The following LUZP4 variants were observed in gnomAD, a reference collection of about 807,000 sequenced individuals.
LUZP4 encodes the protein leucine zipper protein 4.
Under a neutral mutation model 8.5 loss-of-function variants are expected in LUZP4, and 11 were observed. The observed-to-expected ratio is 1.30, with a 90% confidence interval of 0.82 to 2.14. The LOEUF is 2.14. Ranked by LOEUF, LUZP4 falls within the 30% of genes most tolerant of loss-of-function variation. The pLI is 0.00. For synonymous variants in LUZP4, 104 were observed against 79.4 expected (o/e 1.31, Z -1.65); for missense variants, 276 against 229.7 (o/e 1.20, Z -1.30).
At chrX:115,303,246 A>C (rs2073405657) in intron 2 of LUZP4, 54 bp from the exon 3 acceptor site, 2 of 711,829 alleles carry the variant, frequency 2.8e-6, no homozygotes, top group African/African-American at 4.4e-5. Flanking sequence ...AATACTTCTG[A>C]AAGATACATT....
At chrX:115,296,696 C>T (rs1276890404) in intron 1 of LUZP4, among the ~76,000 whole-genome samples, 2 of 107,421 alleles carry the variant, frequency 1.9e-5, no homozygotes, top group Non-Finnish European at 3.9e-5. Flanking sequence ...TGAGATCTAC[C>T]CAATTCCATT....
At chrX:115,303,265 T>A (rs782522621) in intron 2 of LUZP4, 35 bp from the exon 3 acceptor site, 1 of 782,192 alleles carries the variant, frequency 1.3e-6, no homozygotes, top group Non-Finnish European at 1.9e-6. Context: ...TTGAATTTAC[T>A]ACTTGAAAAT....
rs782383993 is a variant in LUZP4 at position 115,306,744 on chromosome X, T to C, written c.882T>C (p.Ser294=). The stretch of plus-strand genomic sequence containing the variant: ...ATCTCATAAATCAGTCAGGGAGATC[T>C]CATGGCCAATCAGAAAGACATCAGA... ...ERDLINQSGR[S]HGQSERHQRY... is the part of the protein sequence containing the mutation. Residue 294 remains serine, a synonymous_variant, in exon 4 of 4, where the codon TCT becomes TCC. Transcript: ENST00000371920. 2 of 1,208,874 alleles carry C rather than the reference T, an allele frequency of 1.7e-6. No homozygotes were observed. The highest frequency in any genetic ancestry group is 2.2e-5 in the Admixed American group (1 of 45,950).
intron 1 of LUZP4, among the ~76,000 whole-genome samples, chrX:115,297,417 C>G (rs183078286): frequency 9.9e-4 from 111 of 112,098 alleles, no homozygotes; most frequent in African/African-American, 3.5e-3. Flanking sequence ...GGTTGAAGCA[C>G]TCCCTTTAGC....
rs782257878 is a variant in LUZP4, at chrX:115,303,399, G to A, written c.323G>A (p.Gly108Glu). The change falls in exon 3 of 4, where the codon GGG becomes GAG. Residue 108 changes from glycine to glutamate, a missense_variant. By Grantham distance (98) the Gly-to-Glu change is moderately conservative. Coordinates refer to ENST00000371920, the MANE Select transcript of LUZP4 (RefSeq NM_016383.5). ...AAGTCTGGACAACACCCTTTAAATG[G>A]GCAGCCTTTAATTGAGCAGGTAGAT... is the stretch of plus-strand genomic sequence containing the variant. ...GFKSGQHPLN[G>E]QPLIEQEKCS... The A allele has an allele frequency of 9.5e-6, 11 of 1,161,286 alleles. No homozygotes were observed. The highest frequency in any genetic ancestry group is 1.2e-5 in the Non-Finnish European group (10 of 864,206).
intron 3 of LUZP4, 109 bp from the exon 4 acceptor site, chrX:115,306,096 A>G: frequency 1.2e-6 from 1 of 815,032 alleles, no homozygotes; most frequent in Non-Finnish European, 1.7e-6. Context: ...GCACAGTGGA[A>G]TTCTAAAAGA....
At chrX:115,293,544 C>G (rs1405448016) in intron 1 of LUZP4, among the ~76,000 whole-genome samples, 1 of 111,274 alleles carries the variant, frequency 9.0e-6, no homozygotes, top group African/African-American at 3.3e-5. Flanking sequence ...TCCCAAAGTG[C>G]TAGGATTACA....
intron 1 of LUZP4, among the ~76,000 whole-genome samples, chrX:115,301,352 C>A (rs2073396536): frequency 9.0e-6 from 1 of 111,612 alleles, no homozygotes; most frequent in Admixed American, 9.6e-5. Flanking sequence ...GTCTGCCATT[C>A]TTTAAATTAT....
At position 115,306,331 on chromosome X, in the gene LUZP4, C is replaced by A; in HGVS notation, c.469C>A (p.His157Asn). The A allele has an allele frequency of 8.3e-7, 1 of 1,210,081 alleles. No individual in the cohort carries two copies. ...EESQGQPEEN[H>N]HSERSRNHLE... ...ATCCCAGGGCCAACCAGAAGAAAAT[C>A]ATCATTCTGAGCGATCCCGAAACCA... The change falls in exon 4 of 4, where the codon CAT becomes AAT. Residue 157 changes from histidine (H) to asparagine (N), a missense_variant. Coordinates refer to ENST00000371920, the MANE Select transcript of LUZP4 (RefSeq NM_016383.5).
At chrX:115,300,357 A>G (rs1283226723) in intron 1 of LUZP4, among the ~76,000 whole-genome samples, 1 of 112,722 alleles carries the variant, frequency 8.9e-6, no homozygotes, top group Non-Finnish European at 1.9e-5. Flanking sequence ...TGAGCCACAC[A>G]TAAAATACAC....
intron 1 of LUZP4, among the ~76,000 whole-genome samples, chrX:115,297,181 T>C (rs1292977416): frequency 8.9e-6 from 1 of 111,928 alleles, no homozygotes; most frequent in East Asian, 2.8e-4. Context: ...TAGTAGGTCT[T>C]ATTCATTCTT....
At position 115,289,748 on chromosome X, in the gene LUZP4, G is replaced by A. The variant is rs149762582; in HGVS notation, c.-12G>A. The stretch of plus-strand genomic sequence containing the variant: ...CCTACCTCGGAGTGTGTGGCGCCAT[G>A]ATGCAGGGAAGATGGCTTCGTTTCG... On this transcript the variant is annotated 5_prime_UTR_variant, in exon 1 of 4. It removes an upstream start codon present in the reference 5' UTR. Transcript: ENST00000371920. The A allele has an allele frequency of 8.1e-3, 9,605 of 1,186,070 alleles. 41 individuals carry two copies. Among genetic ancestry groups the A allele is most frequent in the Middle Eastern group, 0.021 (87 of 4,176 alleles).
chrX:115,300,467 G>T (rs782109382), intron 1 of LUZP4, among the ~76,000 whole-genome samples: 5 of 112,654 alleles, frequency 4.4e-5, no homozygotes, highest in African/African-American at 1.6e-4. Context: ...ATTCAAAACC[G>T]TCCTGGGCTG....
chrX:115,300,304 A>T (rs1556600954), intron 1 of LUZP4, among the ~76,000 whole-genome samples: 1 of 112,211 alleles, frequency 8.9e-6, no homozygotes, highest in African/African-American at 3.2e-5. Context: ...AGGTGTTTCC[A>T]ATCTTTTGGC....
chrX:115,294,841 G>A (rs1317305585), intron 1 of LUZP4, among the ~76,000 whole-genome samples: 1 of 111,706 alleles, frequency 9.0e-6, no homozygotes, highest in Admixed American at 9.5e-5. Context: ...AATTTGGTAG[G>A]TTAGTTGGAG....
chrX:115,290,128 T>C (rs782213747), intron 1 of LUZP4, among the ~76,000 whole-genome samples: 2 of 111,119 alleles, frequency 1.8e-5, no homozygotes, highest in South Asian at 7.8e-4. Context: ...GGATTAAGGA[T>C]TGCTGAAAGG....
In LUZP4 at chrX:115,307,541, A is replaced by G. The variant is rs1456417682; in HGVS notation, c.*737A>G. 1 of 112,465 alleles carries G rather than the reference A, an allele frequency of 8.9e-6. No homozygotes were observed. Among genetic ancestry groups the G allele is most frequent in the African/African-American group, 3.2e-5 (1 of 30,949 alleles). The allele number at this position is 112,465 out of a possible 1,213,427, so 9.3% of individuals were successfully genotyped here. A position where few individuals can be genotyped will look rare whatever the true frequency, so the allele number is the denominator to read the frequency against. Reference sequence around the variant, plus strand: ...CTGCAGTTTGTTTGGTTATTCAATAAAAGTTTTAGTTTTAATTTCTCAGTG... The same window carrying G: ...CTGCAGTTTGTTTGGTTATTCAATAGAAGTTTTAGTTTTAATTTCTCAGTG... On this transcript the variant is annotated 3_prime_UTR_variant, in exon 4 of 4. Coordinates refer to ENST00000371920, the MANE Select transcript of LUZP4 (RefSeq NM_016383.5).
At chrX:115,304,713 G>T (rs1238088464) in intron 3 of LUZP4, among the ~76,000 whole-genome samples, 1 of 107,498 alleles carries the variant, frequency 9.3e-6, no homozygotes, top group Admixed American at 1.0e-4. Context: ...ATGAGGTCTC[G>T]CTATGTTGCC....
chrX:115,306,489 G>A lies in LUZP4; in HGVS notation c.627G>A (p.Glu209=), dbSNP rs185289805. Residue 209 remains glutamate, a synonymous_variant, in exon 4 of 4, where the codon GAG becomes GAA. Transcript: ENST00000371920. ...GQSERSHGHS[E]RSHGHSERSH... is the part of the protein sequence containing the mutation. ...CTGAGAGATCTCATGGCCACTCAGAGAGATCTCATGGTCACTCAGAGAGAT... is the reference window on the plus strand; with the variant it reads ...CTGAGAGATCTCATGGCCACTCAGAAAGATCTCATGGTCACTCAGAGAGAT... 6.6e-6 allele frequency: 8 copies of A among 1,205,878 alleles called. No individual in the cohort carries two copies. The East Asian group carries it at 8.9e-5, about 13-fold the overall frequency.
Sources: allele counts gnomAD v4.1 joint callset (sites outside exome capture counted in the v4.1 genomes callset), GRCh38; gene constraint gnomAD v4.1.1; transcripts MANE v1.5; gene names NCBI Gene and HGNC (gene_info 2026-07-23, HGNC 2026-07-21).